Variants in SPEF2 observed in about 807,000 individuals in gnomAD.
SPEF2 encodes sperm flagellar and cilia associated 2, also known as sperm flagella and cilia-associated protein 2.
Under a neutral mutation model 224.6 loss-of-function variants are expected in SPEF2, and 187 were observed. The ratio of observed to expected loss-of-function variants is 0.83; its 90% CI spans 0.74 to 0.94. The LOEUF is 0.94. SPEF2 is among the 40% of genes least tolerant of loss of function. The probability of loss-of-function intolerance (pLI) is 0.00; values close to 1 mark genes in which losing one functional copy is unlikely to be tolerated. For missense variants in SPEF2, 2,170 were observed against 2,135.6 expected, an observed-to-expected ratio of 1.02 and a Z score of -0.32; for synonymous variants, 715 against 707.3, an observed-to-expected ratio of 1.01 and a Z score of -0.17.
At chr5:35,662,834 T>A (rs1008763466) in intron 8 of SPEF2, among the ~76,000 whole-genome samples, 2 of 152,170 alleles carry the variant, frequency 1.3e-5, no homozygotes, top group African/African-American at 4.8e-5. Flanking sequence ...TAGTGTAGTG[T>A]AGTTTGAAAT....
At chr5:35,806,604 A>G (rs1404879293) in intron 34 of SPEF2, 103 bp from the exon 35 acceptor site, 3 of 1,417,124 alleles carry the variant, frequency 2.1e-6, no homozygotes, top group African/African-American at 2.9e-5. Flanking sequence ...AGGCTCTGTC[A>G]TTCATGAAAA....
chr5:35,802,185 C>T (rs1757514165), intron 34 of SPEF2, among the ~76,000 whole-genome samples: 2 of 152,160 alleles, frequency 1.3e-5, no homozygotes, highest in South Asian at 2.1e-4. Flanking sequence ...TTACTCTCTC[C>T]ACCTGGCATA....
intron 32 of SPEF2, 94 bp from the exon 33 acceptor site, chr5:35,795,609 C>T (rs1446122759): frequency 3.8e-6 from 4 of 1,056,944 alleles, no homozygotes; most frequent in East Asian, 5.0e-5. Flanking sequence ...GACAACTGCT[C>T]TAGAGACAAG....
chr5:35,716,022 A>G (rs1742506714), intron 20 of SPEF2, among the ~76,000 whole-genome samples: 1 of 151,972 alleles, frequency 6.6e-6, no homozygotes, highest in Non-Finnish European at 1.5e-5. Flanking sequence ...TTCAAGGGGC[A>G]TTGTCATGAA....
At chr5:35,717,469 A>G (rs1013820408) in intron 20 of SPEF2, among the ~76,000 whole-genome samples, 1 of 152,204 alleles carries the variant, frequency 6.6e-6, no homozygotes, top group Non-Finnish European at 1.5e-5. Context: ...TAAATTTAGT[A>G]TCAATGTTAT....
At chr5:35,688,224 T>G (rs1185399438) in intron 10 of SPEF2, among the ~76,000 whole-genome samples, 11 of 149,674 alleles carry the variant, frequency 7.3e-5, no homozygotes, top group Admixed American at 6.6e-5. Flanking sequence ...CCACTATTAC[T>G]TCTAGAGACA....
chr5:35,633,299 T>C (rs368311284), intron 2 of SPEF2, among the ~76,000 whole-genome samples: 29 of 152,246 alleles, frequency 1.9e-4, no homozygotes, highest in Middle Eastern at 3.4e-3. Context: ...TTTTCCTCCA[T>C]GTATTTTGTG....
intron 24 of SPEF2, among the ~76,000 whole-genome samples, chr5:35,755,551 T>A (rs1053963498): frequency 2.0e-5 from 3 of 152,188 alleles, no homozygotes; most frequent in African/African-American, 7.2e-5. Flanking sequence ...AAATAAAATC[T>A]AACATTTACT....
intron 16 of SPEF2, among the ~76,000 whole-genome samples, chr5:35,704,002 A>G (rs896726662): frequency 5.9e-5 from 9 of 152,128 alleles, no homozygotes; most frequent in African/African-American, 1.9e-4. Flanking sequence ...TGGACTTTGT[A>G]CCATTAATCC....
chr5:35,727,180 C>T (rs1330338942), intron 20 of SPEF2, among the ~76,000 whole-genome samples: 1 of 152,132 alleles, frequency 6.6e-6, no homozygotes, highest in Non-Finnish European at 1.5e-5. Flanking sequence ...CTTCAACAGC[C>T]CCTCTTCTCC....
At chr5:35,808,047 G>T in intron 36 of SPEF2, 1 of 1,122,830 alleles carries the variant, frequency 8.9e-7, no homozygotes, top group Non-Finnish European at 1.1e-6. Flanking sequence ...ATAGAATGTA[G>T]ATTGTGTATC....
chr5:35,753,770 A>T lies in SPEF2; in HGVS notation c.3468+9A>T, dbSNP rs1462744066. The T allele has an allele frequency of 2.5e-6, 4 of 1,614,030 alleles. No homozygotes were observed. The highest frequency in any genetic ancestry group is 3.4e-6 in the Non-Finnish European group (4 of 1,179,928). On this transcript the variant is annotated intron_variant, in intron 24 of 36. Coordinates refer to ENST00000356031, the MANE Select transcript of SPEF2 (RefSeq NM_024867.4). ...TCTTTTCCCTGATGCAGGTAAGAGCAGCTGGTCACAATAACCCAGGCACTT... is the reference window on the plus strand; with the variant it reads ...TCTTTTCCCTGATGCAGGTAAGAGCTGCTGGTCACAATAACCCAGGCACTT...
intron 19 of SPEF2, chr5:35,709,830 G>C: frequency 1.0e-6 from 1 of 985,304 alleles, no homozygotes; most frequent in Non-Finnish European, 1.2e-6. Context: ...CCATTTGTGT[G>C]TGTATATAAA....
At chr5:35,677,281 C>T (rs1473406254) in intron 10 of SPEF2, among the ~76,000 whole-genome samples, 1 of 152,062 alleles carries the variant, frequency 6.6e-6, no homozygotes, top group East Asian at 1.9e-4. Flanking sequence ...AATAGTAAGA[C>T]CATGGAAATT....
chr5:35,661,757 C>T (rs954633983), intron 8 of SPEF2, among the ~76,000 whole-genome samples: 6 of 152,142 alleles, frequency 3.9e-5, no homozygotes, highest in African/African-American at 1.4e-4. Context: ...GACATGATCT[C>T]ATTGCTTTTT....
intron 26 of SPEF2, among the ~76,000 whole-genome samples, chr5:35,767,676 G>A (rs1019650223): frequency 6.6e-6 from 1 of 152,012 alleles, no homozygotes; most frequent in South Asian, 2.1e-4. Context: ...GAAGATAGTA[G>A]ATTTATAGCC....
intron 33 of SPEF2, among the ~76,000 whole-genome samples, chr5:35,798,949 C>T (rs1294748163): frequency 1.3e-5 from 2 of 152,108 alleles, no homozygotes; most frequent in Admixed American, 6.5e-5. Flanking sequence ...TTCCAAATAT[C>T]GGAAATTATT....
chr5:35,697,935 G>T lies in SPEF2; in HGVS notation c.2141+142G>T, dbSNP rs1755566812. ...ATATGAAAATATACAGCAATGAAAAGGTAGATTTATTTTGTGACTTACGTG... is the reference window on the plus strand; with the variant it reads ...ATATGAAAATATACAGCAATGAAAATGTAGATTTATTTTGTGACTTACGTG... On this transcript the variant is annotated intron_variant, in intron 15 of 36. Transcript: ENST00000356031. 1.1e-5 allele frequency: 6 copies of T among 558,092 alleles called. No individual in the cohort carries two copies. In the South Asian group the frequency reaches 1.2e-4, roughly 12 times the overall value. The allele number at this position is 558,092 out of a possible 1,614,324, so 34.6% of individuals were successfully genotyped here.
At chr5:35,670,808 A>C in intron 10 of SPEF2, 1 of 977,104 alleles carries the variant, frequency 1.0e-6, no homozygotes, top group South Asian at 4.7e-5. Flanking sequence ...GTGTGACCTT[A>C]GGTGACCAGT....
Sources: allele counts gnomAD v4.1 joint callset (sites outside exome capture counted in the v4.1 genomes callset), GRCh38; gene constraint gnomAD v4.1.1; transcripts MANE v1.5; gene names NCBI Gene and HGNC (gene_info 2026-07-23, HGNC 2026-07-21).